Variants in ANKRD30A observed in about 807,000 individuals in gnomAD.
The protein encoded by ANKRD30A is ankyrin repeat domain-containing protein 30A.
In ANKRD30A, 170 loss-of-function variants were observed where a neutral mutation model predicts 166.3. The ratio of observed to expected loss-of-function variants is 1.02; its 90% confidence interval spans 0.90 to 1.16. The LOEUF is 1.16. Among genes scored for constraint, ANKRD30A ranks in the 50% most tolerant of loss-of-function variants. ANKRD30A has a pLI of 0.00. For synonymous variants in ANKRD30A, 564 were observed against 508.9 expected (o/e 1.11, Z -1.46); for missense variants, 1,630 against 1,518.0 (o/e 1.07, Z -1.23).
At chr10:37,130,111 G>A in intron 2 of ANKRD30A, 94 bp from the exon 3 acceptor site, 1 of 1,166,218 alleles carries the variant, frequency 8.6e-7, no homozygotes, top group Non-Finnish European at 1.1e-6. Flanking sequence ...GAAACCTGTG[G>A]AATATTTATT....
intron 34 of ANKRD30A, among the ~76,000 whole-genome samples, chr10:37,229,275 T>G (rs1219501727): frequency 6.6e-6 from 1 of 151,972 alleles, no homozygotes; most frequent in Non-Finnish European, 1.5e-5. Flanking sequence ...GTGAGGATGG[T>G]CAGGCCACAT....
chr10:37,183,110 G>A (rs574821287), intron 24 of ANKRD30A, among the ~76,000 whole-genome samples: 11 of 149,270 alleles, frequency 7.4e-5, no homozygotes, highest in Non-Finnish European at 1.6e-4. Context: ...ATATCACAGA[G>A]CTTTTACTGA....
intron 27 of ANKRD30A, among the ~76,000 whole-genome samples, chr10:37,194,645 G>A (rs1402027292): frequency 2.0e-5 from 3 of 152,036 alleles, no homozygotes; most frequent in Middle Eastern, 3.2e-3. Flanking sequence ...GTGCCCGGCC[G>A]ATGTCTGAAA....
At chr10:37,249,852 T>TA in the ANKRD30A span, among the ~76,000 whole-genome samples, 2 of 152,178 alleles carry the variant, frequency 1.3e-5, no homozygotes, top group Non-Finnish European at 2.9e-5. Context: ...GAATTTAAAT[T>TA]AAAAAATGTT....
At position 37,190,814 on chromosome 10, in the gene ANKRD30A, A is replaced by G. The variant is rs533654989; in HGVS notation, c.2512+1257A>G. 1.3e-3 allele frequency among the ~76,000 whole-genome samples: 201 copies of G among 151,670 alleles called. 2 individuals are homozygous for G. The highest frequency in any genetic ancestry group is 4.7e-3 in the African/African-American group (195 of 41,178). On this transcript the variant is annotated intron_variant, in intron 25 of 35. Transcript: ENST00000361713. ...TAATCTTTATTAATATGAAGCATCA[A>G]TATATAGATATATATATATAGATGT... is the stretch of plus-strand genomic sequence containing the variant.
intron 1 of ANKRD30A, among the ~76,000 whole-genome samples, chr10:37,128,396 A>G (rs1464430395): frequency 1.1e-4 from 16 of 152,104 alleles, no homozygotes; most frequent in Admixed American, 3.3e-4. Flanking sequence ...GTGGATTAGT[A>G]TATTCTGTGA....
chr10:37,143,166 T>C (rs536693474), intron 7 of ANKRD30A, among the ~76,000 whole-genome samples: 9 of 152,316 alleles, frequency 5.9e-5, no homozygotes, highest in Admixed American at 5.9e-4. Context: ...ATACTGAATA[T>C]CTAAAGAAAC....
downstream of ANKRD30A, among the ~76,000 whole-genome samples, chr10:37,233,001 A>G (rs1203372794): frequency 2.0e-5 from 3 of 151,826 alleles, no homozygotes; most frequent in Non-Finnish European, 4.4e-5. Flanking sequence ...TAAAATACCC[A>G]TTTCAATCAA....
At chr10:37,227,866 G>A (rs1394317284) in intron 34 of ANKRD30A, among the ~76,000 whole-genome samples, 1 of 151,948 alleles carries the variant, frequency 6.6e-6, no homozygotes, top group African/African-American at 2.4e-5. Context: ...TATCCATCCT[G>A]GGAAGAGAAG....
chr10:37,201,238 C>A lies in ANKRD30A; in HGVS notation c.2782C>A (p.Leu928Ile). The A allele has an allele frequency of 6.4e-7, 1 of 1,559,724 alleles. No individual in the cohort carries two copies. Among genetic ancestry groups the A allele is most frequent in the Non-Finnish European group, 8.6e-7 (1 of 1,156,656 alleles). ...VEENSWDSESLRETVSQKDVC... is the reference protein window; with the variant it reads ...VEENSWDSESIRETVSQKDVC... ...TTATTGATATTACTTTTAACAGAGT[C>A]TCCGTGAGACTGTTTCACAGAAGGA... Residue 928 changes from leucine (L) to isoleucine (I), a missense_variant, in exon 31 of 36, where the codon CTC (leucine) becomes ATC (isoleucine). Physicochemically the swap from Leu to Ile is conservative, Grantham distance 5. This residue lies in a region of ANKRD30A where 712 missense variants were observed against 629.3 expected (regional missense o/e 1.13). Transcript: ENST00000361713.
At chr10:37,159,358 T>C (rs12770850) in intron 15 of ANKRD30A, among the ~76,000 whole-genome samples, 2 of 151,972 alleles carry the variant, frequency 1.3e-5, no homozygotes, top group African/African-American at 2.4e-5. Context: ...CTCTACTAAA[T>C]ATAACAAAAA....
intron 34 of ANKRD30A, among the ~76,000 whole-genome samples, chr10:37,229,410 T>C (rs1424405680): frequency 6.6e-6 from 1 of 152,046 alleles, no homozygotes; most frequent in Admixed American, 6.6e-5. Context: ...AACAATGATA[T>C]CTCCTCTATA....
At position 37,225,482 on chromosome 10, in the gene ANKRD30A, C is replaced by A. The variant is rs930814753; in HGVS notation, c.4185+5585C>A. On this transcript the variant is annotated intron_variant, in intron 34 of 35. Coordinates refer to ENST00000361713, the MANE Select transcript of ANKRD30A (RefSeq NM_052997.3). ...TAAATTTCCATGGAGATTTTAAAAC[C>A]AGTCTACTTGAAATGGATATTTAGA... Among the ~76,000 whole-genome samples, 7 of 151,508 alleles carry A rather than the reference C, an allele frequency of 4.6e-5. No homozygotes were observed. In the East Asian group the frequency reaches 9.8e-4, roughly 21 times the overall value.
intron 15 of ANKRD30A, among the ~76,000 whole-genome samples, chr10:37,162,239 T>G (rs1838962815): frequency 6.6e-6 from 1 of 152,186 alleles, no homozygotes; most frequent in Non-Finnish European, 1.5e-5. Flanking sequence ...AGTTCTACAT[T>G]CAGCTGAACT....
Position 37,128,110 on chromosome 10 carries a change from A to G in ANKRD30A, c.222-1783A>G, listed in dbSNP as rs556285675. On this transcript the variant is annotated intron_variant, in intron 1 of 35. Coordinates refer to ENST00000361713, the MANE Select transcript of ANKRD30A (RefSeq NM_052997.3). ...TTTGAAAATGTATTTTGGTGTACCA[A>G]CTGAGGGTAAAGTTCAGTTTGACTA... 3.1e-4 allele frequency among the ~76,000 whole-genome samples: 47 copies of G among 152,218 alleles called. 2 individuals are homozygous for G. In the South Asian group the frequency reaches 5.2e-3, roughly 17 times the overall value.
the ANKRD30A span, among the ~76,000 whole-genome samples, chr10:37,259,994 A>G: frequency 1.3e-5 from 2 of 152,118 alleles, no homozygotes; most frequent in African/African-American, 4.8e-5. Flanking sequence ...ACCTGGGAGG[A>G]TAGGGAGGAG....
At chr10:37,146,372 T>C (rs1238745138) in intron 8 of ANKRD30A, among the ~76,000 whole-genome samples, 3 of 152,378 alleles carry the variant, frequency 2.0e-5, no homozygotes, top group Admixed American at 2.0e-4. Flanking sequence ...AACATTCTTT[T>C]CATGCCATGC....
intron 31 of ANKRD30A, among the ~76,000 whole-genome samples, chr10:37,213,643 TTTTAA>T (rs566540848): frequency 4.1e-4 from 62 of 150,936 alleles, no homozygotes; most frequent in African/African-American, 1.4e-3. Context: ...GTGCTGAAAA[TTTTAA>T]TTTAAGTGCT....
chr10:37,192,234 T>C (rs1840647296), intron 25 of ANKRD30A, among the ~76,000 whole-genome samples: 2 of 151,830 alleles, frequency 1.3e-5, no homozygotes, highest in South Asian at 2.1e-4. Flanking sequence ...ACAGTGTTTC[T>C]AAAATAGTGA....
Sources: allele counts gnomAD v4.1 joint callset (sites outside exome capture counted in the v4.1 genomes callset), GRCh38; gene constraint gnomAD v4.1.1; regional missense constraint gnomAD v4.1.1; transcripts MANE v1.5; gene names NCBI Gene and HGNC (gene_info 2026-07-23, HGNC 2026-07-21).